Variants in FRMPD4 observed in about 807,000 individuals in gnomAD.
The protein encoded by FRMPD4 is FERM and PDZ domain containing 4, also known as FERM and PDZ domain-containing protein 4.
FRMPD4 carries 22 observed loss-of-function variants against 94.1 expected under a neutral mutation model. The observed-to-expected ratio is 0.23, with a 90% CI of 0.17 to 0.33. The LOEUF is 0.33. Ranked by LOEUF, FRMPD4 falls within the 10% of genes least tolerant of loss-of-function variation. The pLI is 1.00. For synonymous variants in FRMPD4, 631 were observed against 548.6 expected (o/e 1.15, Z -2.10); for missense variants, 1,111 against 1,339.9 (o/e 0.83, Z 2.67).
chrX:12,376,463 T>C (rs2056238728), intron 1 of FRMPD4, among the ~76,000 whole-genome samples: 1 of 112,971 alleles, frequency 8.9e-6, no homozygotes, highest in African/African-American at 3.2e-5. Context: ...TGAATTTGTA[T>C]ACTTAGGTCT....
chrX:12,538,056 G>A (rs946156942), intron 2 of FRMPD4, among the ~76,000 whole-genome samples: 5 of 111,057 alleles, frequency 4.5e-5, no homozygotes, highest in African/African-American at 1.6e-4. Context: ...AAGCGCAAGG[G>A]GTCAGGGAAT....
At chrX:12,076,587 C>T (rs1166725621) in intron 3 of FRMPD4, among the ~76,000 whole-genome samples, 1 of 110,852 alleles carries the variant, frequency 9.0e-6, no homozygotes, top group Admixed American at 9.6e-5. Flanking sequence ...TAAATACCTG[C>T]TATTCCCACT....
chrX:11,915,200 A>G (rs945051788), intron 3 of FRMPD4, among the ~76,000 whole-genome samples: 1 of 112,688 alleles, frequency 8.9e-6, no homozygotes, highest in African/African-American at 3.2e-5. Flanking sequence ...TTCTGAACAC[A>G]GAGGTCAGAT....
chrX:12,042,528 G>A, intron 3 of FRMPD4, among the ~76,000 whole-genome samples: 1 of 111,163 alleles, frequency 9.0e-6, no homozygotes. Flanking sequence ...CAATAATTGG[G>A]TAGAGGTTTT....
intron 1 of FRMPD4, among the ~76,000 whole-genome samples, chrX:12,256,822 C>G (rs1406459048): frequency 8.9e-6 from 1 of 112,019 alleles, no homozygotes; most frequent in Non-Finnish European, 1.9e-5. Context: ...AATATCTCTA[C>G]ACACTTGTAA....
chrX:11,845,781 C>T (rs1300784664), intron 1 of FRMPD4, among the ~76,000 whole-genome samples: 2 of 109,545 alleles, frequency 1.8e-5, no homozygotes, highest in African/African-American at 6.6e-5. Context: ...ACAAAAACCA[C>T]ATGATTATCT....
intron 2 of FRMPD4, among the ~76,000 whole-genome samples, chrX:12,524,896 A>G (rs2058205465): frequency 8.9e-6 from 1 of 111,895 alleles, no homozygotes; most frequent in South Asian, 3.7e-4. Flanking sequence ...ACAGCTTTGA[A>G]TGTGGCCTAA....
intron 1 of FRMPD4, among the ~76,000 whole-genome samples, chrX:11,825,238 G>GTGTGTGTGT (rs2053435955): frequency 1.1e-5 from 1 of 93,005 alleles, no homozygotes; most frequent in Non-Finnish European, 2.1e-5. Flanking sequence ...GTGTGTGTGT[G>GTGTGTGTGT]GTCTCTTCAC....
chrX:11,856,411 C>T (rs1198199017), intron 1 of FRMPD4, among the ~76,000 whole-genome samples: 1 of 111,617 alleles, frequency 9.0e-6, no homozygotes, highest in African/African-American at 3.3e-5. Context: ...ATATGCAAAT[C>T]AAAAATGTGA....
intron 3 of FRMPD4, among the ~76,000 whole-genome samples, chrX:12,023,524 A>G (rs2054643121): frequency 9.0e-6 from 1 of 111,559 alleles, no homozygotes; most frequent in Non-Finnish European, 1.9e-5. Context: ...AATTTCTTTG[A>G]TTATTTACCA....
intron 3 of FRMPD4, among the ~76,000 whole-genome samples, chrX:12,095,943 C>T (rs1206738986): frequency 1.8e-5 from 2 of 112,087 alleles, no homozygotes; most frequent in East Asian, 5.6e-4. Flanking sequence ...GCTTGGTCCA[C>T]CCTAATCTGA....
intron 3 of FRMPD4, among the ~76,000 whole-genome samples, chrX:11,933,884 G>C (rs749281046): frequency 1.8e-5 from 2 of 111,854 alleles, no homozygotes; most frequent in East Asian, 2.8e-4. Context: ...TTGTTCCCTC[G>C]TTTATGTTTG....
intron 1 of FRMPD4, among the ~76,000 whole-genome samples, chrX:12,202,709 G>A (rs1357506049): frequency 1.8e-5 from 2 of 112,279 alleles, no homozygotes; most frequent in Non-Finnish European, 3.8e-5. Context: ...ATCAAATTAA[G>A]ATGAGGTCAT....
chrX:12,366,160 C>T (rs746835505), intron 1 of FRMPD4, among the ~76,000 whole-genome samples: 19 of 112,185 alleles, frequency 1.7e-4, no homozygotes, highest in African/African-American at 5.8e-4. Flanking sequence ...GTCTGCAGTA[C>T]ACAAAAGGGT....
chrX:12,473,267 T>G (rs902836040), intron 1 of FRMPD4, among the ~76,000 whole-genome samples: 2 of 109,583 alleles, frequency 1.8e-5, no homozygotes, highest in Non-Finnish European at 3.8e-5. Context: ...AAATGCTGAT[T>G]TTGTCACCAC....
At chrX:11,923,995 G>A (rs754815536) in intron 3 of FRMPD4, among the ~76,000 whole-genome samples, 140 of 111,901 alleles carry the variant, frequency 1.3e-3, no homozygotes, top group African/African-American at 4.1e-3. Flanking sequence ...TCAGCTATAG[G>A]AGTACATTGA....
At chrX:12,698,128 A>G (rs1274992090) in intron 9 of FRMPD4, among the ~76,000 whole-genome samples, 1 of 112,350 alleles carries the variant, frequency 8.9e-6, no homozygotes, top group Non-Finnish European at 1.9e-5. Context: ...GTATCACTTT[A>G]CAAAGATAAA....
At chrX:11,919,223 A>G (rs1447819003) in intron 3 of FRMPD4, among the ~76,000 whole-genome samples, 2 of 112,290 alleles carry the variant, frequency 1.8e-5, no homozygotes, top group African/African-American at 3.2e-5. Context: ...CCATCTCCCC[A>G]TTGTAACAAA....
intron 4 of FRMPD4, among the ~76,000 whole-genome samples, chrX:12,648,037 T>C (rs1034670433): frequency 8.1e-5 from 9 of 111,632 alleles, no homozygotes; most frequent in Non-Finnish European, 1.3e-4. Context: ...AAGTGCCTTC[T>C]TGACCATTCC....
Sources: gnomAD v4.1 joint callset for allele counts (sites outside exome capture counted in the v4.1 genomes callset) on GRCh38, gnomAD v4.1.1 for gene constraint, MANE v1.5 for transcripts, NCBI Gene and HGNC (gene_info 2026-07-23, HGNC 2026-07-21) for gene names.